Variants in PTCHD1 observed in about 807,000 individuals in gnomAD.
PTCHD1 encodes patched domain-containing protein 1.
PTCHD1 carries 3 observed loss-of-function variants against 34.6 expected under a neutral mutation model. The observed-to-expected ratio is 0.09, with a 90% confidence interval of 0.04 to 0.22. The LOEUF is 0.22. Ranked by LOEUF, PTCHD1 falls within the 10% of genes least tolerant of loss-of-function variation. PTCHD1 has a pLI of 1.00. For missense variants in PTCHD1, 504 were observed against 685.5 expected (o/e 0.74, Z 2.96); for synonymous variants, 305 against 283.1 (o/e 1.08, Z -0.77).
chrX:23,348,380 G>A (rs1335536702), intron 1 of PTCHD1, among the ~76,000 whole-genome samples: 1 of 110,133 alleles, frequency 9.1e-6, no homozygotes, highest in African/African-American at 3.3e-5. Flanking sequence ...AGCAGAAGAC[G>A]TTTGAAGTAA....
intron 1 of PTCHD1, among the ~76,000 whole-genome samples, chrX:23,375,359 C>T (rs767706243): frequency 7.5e-5 from 8 of 107,195 alleles, no homozygotes; most frequent in Non-Finnish European, 1.4e-4. Context: ...GCGCGATCTC[C>T]GCTCACTGCA....
rs751950244 is a variant in PTCHD1 at position 23,379,970 on chromosome X, A to G, written c.731A>G (p.Asn244Ser). Reference sequence around the variant, plus strand: ...ACTGTCAGACTGTTTCAGAAATCCAACAGCAAAGTCAAAATGTACCCTTAC... The same window carrying G: ...ACTGTCAGACTGTTTCAGAAATCCAGCAGCAAAGTCAAAATGTACCCTTAC... ...CDTVRLFQKSNSKVKMYPYTS... is the reference protein window; with the variant it reads ...CDTVRLFQKSSSKVKMYPYTS... The change falls in exon 2 of 3, where the codon AAC becomes AGC. Residue 244 changes from asparagine (N) to serine (S), a missense_variant. Transcript: ENST00000379361. 8.3e-7 allele frequency: 1 copy of G among 1,211,799 alleles called. No individual in the cohort carries two copies.
chrX:23,362,697 G>A (rs1449599775), intron 1 of PTCHD1, among the ~76,000 whole-genome samples: 1 of 112,028 alleles, frequency 8.9e-6, no homozygotes. Context: ...TCCTTTGGAG[G>A]AGAAGAGGCA....
intron 1 of PTCHD1, among the ~76,000 whole-genome samples, chrX:23,359,132 C>G (rs760783191): frequency 8.9e-6 from 1 of 112,341 alleles, no homozygotes; most frequent in African/African-American, 3.2e-5. Context: ...GCAATGCAGG[C>G]TCCTTTTTGG....
At chrX:23,378,793 T>C (rs1922478311) in intron 1 of PTCHD1, among the ~76,000 whole-genome samples, 1 of 112,505 alleles carries the variant, frequency 8.9e-6, no homozygotes, top group Non-Finnish European at 1.9e-5. Flanking sequence ...GCAGTTAAAT[T>C]AGTGCGTGTA....
At chrX:23,370,622 C>G (rs1185247118) in intron 1 of PTCHD1, among the ~76,000 whole-genome samples, 1 of 111,838 alleles carries the variant, frequency 8.9e-6, no homozygotes, top group Non-Finnish European at 1.9e-5. Context: ...TTAGGTGGAA[C>G]TTTCTTCTTA....
At chrX:23,344,494 G>A (rs1404835883) in intron 1 of PTCHD1, among the ~76,000 whole-genome samples, 1 of 111,476 alleles carries the variant, frequency 9.0e-6, no homozygotes, top group Admixed American at 9.4e-5. Flanking sequence ...TTTTTTCTTT[G>A]ATCCAACAGG....
intron 1 of PTCHD1, among the ~76,000 whole-genome samples, chrX:23,340,948 C>T (rs1014929464): frequency 4.5e-5 from 5 of 112,357 alleles, no homozygotes; most frequent in African/African-American, 1.3e-4. Flanking sequence ...AGACTGAGAT[C>T]GGTTTTCATT....
intron 1 of PTCHD1, among the ~76,000 whole-genome samples, chrX:23,366,921 T>TACACAC (rs61606231): frequency 8.0e-4 from 80 of 99,379 alleles, no homozygotes; most frequent in South Asian, 3.8e-3. Context: ...ATGCTCCTGG[T>TACACAC]ACACACACAC....
chrX:23,381,798 A>G (rs758598507), intron 2 of PTCHD1, among the ~76,000 whole-genome samples: 2 of 112,202 alleles, frequency 1.8e-5, no homozygotes, highest in South Asian at 7.5e-4. Context: ...AATTCGGTCT[A>G]TTAAGAAAGC....
chrX:23,348,797 T>A (rs1271376512), intron 1 of PTCHD1, among the ~76,000 whole-genome samples: 1 of 112,020 alleles, frequency 8.9e-6, no homozygotes, highest in African/African-American at 3.2e-5. Context: ...TATAAGAAGT[T>A]GTTTAAGAAA....
rs573264980 is a variant in PTCHD1 at position 23,363,066 on chromosome X, C to A, written c.352-16525C>A. The stretch of plus-strand genomic sequence containing the variant: ...CACCTGTATGAGGTGTCAGTCAGCC[C>A]CCACTAGGTGGTGTCTCCCAGTTAG... On this transcript the variant is annotated intron_variant, in intron 1 of 2. Transcript: ENST00000379361. Among the ~76,000 whole-genome samples the A allele has an allele frequency of 6.5e-4, 73 of 112,057 alleles. 1 individual carries two copies. The South Asian group carries it at 0.025, about 39-fold the overall frequency.
At chrX:23,371,241 T>C (rs1050467334) in intron 1 of PTCHD1, among the ~76,000 whole-genome samples, 1 of 111,971 alleles carries the variant, frequency 8.9e-6, no homozygotes, top group Non-Finnish European at 1.9e-5. Flanking sequence ...TTCACTGTCT[T>C]AGTTGGACCT....
intron 2 of PTCHD1, among the ~76,000 whole-genome samples, chrX:23,387,102 G>A (rs888572562): frequency 2.7e-5 from 3 of 112,150 alleles, no homozygotes; most frequent in Non-Finnish European, 5.6e-5. Flanking sequence ...ATTTGCCTAC[G>A]ATTATTCATT....
chrX:23,334,607 C>A (rs1379749356), upstream of PTCHD1: 1 of 106,792 alleles, frequency 9.4e-6, no homozygotes, highest in Non-Finnish European at 2.0e-5. Flanking sequence ...GTGGGGGCGG[C>A]GCAGAGGCCG....
intron 2 of PTCHD1, among the ~76,000 whole-genome samples, chrX:23,380,777 C>A (rs756600321): frequency 1.8e-5 from 2 of 111,362 alleles, no homozygotes; most frequent in African/African-American, 6.5e-5. Flanking sequence ...GTGAAACACA[C>A]CTCAGAGAGG....
intron 1 of PTCHD1, among the ~76,000 whole-genome samples, chrX:23,355,211 G>C (rs1921771158): frequency 9.0e-6 from 1 of 110,955 alleles, no homozygotes. Context: ...CCTACCCTCA[G>C]ATTCACACGT....
chrX:23,351,068 T>C (rs1921620155), intron 1 of PTCHD1: 9 of 436,371 alleles, frequency 2.1e-5, no homozygotes, highest in Admixed American at 3.5e-5. Flanking sequence ...TGACAACTCC[T>C]ATGATTTGTC....
intron 1 of PTCHD1, chrX:23,351,554 T>C (rs2146616994): frequency 3.5e-6 from 1 of 283,986 alleles, no homozygotes; most frequent in East Asian, 6.5e-5. Context: ...GAAACCTAGG[T>C]TTAAAAACTT....
Sources: allele counts gnomAD v4.1 joint callset (sites outside exome capture counted in the v4.1 genomes callset), GRCh38; gene constraint gnomAD v4.1.1; transcripts MANE v1.5; gene names NCBI Gene and HGNC (gene_info 2026-07-23, HGNC 2026-07-21).